MTMR10: variants seen among roughly 807,000 people sequenced by gnomAD.
MTMR10 encodes the protein myotubularin related protein 10.
Under a neutral mutation model 88.1 loss-of-function variants are expected in MTMR10, and 56 were observed. The ratio of observed to expected loss-of-function variants is 0.64; its 90% confidence interval spans 0.51 to 0.79. The LOEUF is 0.79. Ranked by LOEUF, MTMR10 falls within the 30% of genes least tolerant of loss-of-function variation. The pLI is 0.00. For synonymous variants in MTMR10, 380 were observed against 340.9 expected (o/e 1.11, Z -1.26); for missense variants, 883 against 924.7 (o/e 0.95, Z 0.58).
At chr15:30,930,676 G>A in the MTMR10 span, 1 of 1,612,720 alleles carries the variant, frequency 6.2e-7, no homozygotes, top group South Asian at 1.1e-5. Flanking sequence ...TTTAAGGTCA[G>A]TTGAGGCAGA....
At chr15:30,964,255 A>G (rs762570795) in intron 6 of MTMR10, among the ~76,000 whole-genome samples, 4 of 152,226 alleles carry the variant, frequency 2.6e-5, no homozygotes, top group African/African-American at 4.8e-5. Flanking sequence ...TATGTAAAAC[A>G]GTTTGGTGAC....
Position 30,940,183 on chromosome 15 carries a change from G to A in MTMR10, c.*1287C>T, listed in dbSNP as rs1371928940. ...ATGTTTTAAGCGGGGAATGAGGAGT[G>A]TGGGGGAGGTGGTGCCCCGTTTCAC... On this transcript the variant is annotated 3_prime_UTR_variant, in exon 16 of 16. Transcript: ENST00000435680. The A allele has an allele frequency of 2.0e-6, 2 of 985,342 alleles. No individual in the cohort carries two copies. The highest frequency in any genetic ancestry group is 2.4e-6 in the Non-Finnish European group (2 of 829,944). 61.0% of individuals were successfully genotyped at this position (985,342 alleles called of 1,614,324 possible).
chr15:30,974,550 G>A, intron 4 of MTMR10, 94 bp from the exon 5 acceptor site: 1 of 1,171,034 alleles, frequency 8.5e-7, no homozygotes, highest in Non-Finnish European at 1.1e-6. Context: ...TAATTGGAAG[G>A]TCACCCAACA....
the MTMR10 span, among the ~76,000 whole-genome samples, chr15:30,929,777 TATTATATC>T: frequency 4.4e-5 from 1 of 22,590 alleles, no homozygotes; most frequent in African/African-American, 3.0e-4. Flanking sequence ...ATATATAATA[TATTATATC>T]ATATATAATA....
the MTMR10 span, chr15:30,925,058 C>T: frequency 1.3e-6 from 2 of 1,502,712 alleles, no homozygotes; most frequent in Non-Finnish European, 1.8e-6. Context: ...GCTTTTCTGT[C>T]AAACTAAATG....
chr15:30,941,306 G>A lies in MTMR10; in HGVS notation c.*164C>T. 2 of 1,523,166 alleles carry A rather than the reference G, an allele frequency of 1.3e-6. No homozygotes were observed. Among genetic ancestry groups the A allele is most frequent in the South Asian group, 2.4e-5 (2 of 82,698 alleles). 94.4% of individuals were successfully genotyped at this position (1,523,166 alleles called of 1,614,324 possible). A position where few individuals can be genotyped will look rare whatever the true frequency, so the allele number is the denominator to read the frequency against. ...AAAATTTACATCTCTCTTAAAATAA[G>A]TGTGAAAGAAGCATGATTCAACATG... On this transcript the variant is annotated 3_prime_UTR_variant, in exon 16 of 16. Coordinates refer to ENST00000435680, the MANE Select transcript of MTMR10 (RefSeq NM_017762.3).
At position 30,941,210 on chromosome 15, in the gene MTMR10, A is replaced by G; in HGVS notation, c.*260T>C. The G allele has an allele frequency of 7.3e-7, 1 of 1,378,064 alleles. No homozygotes were observed. Among genetic ancestry groups the G allele is most frequent in the Non-Finnish European group, 9.5e-7 (1 of 1,047,388 alleles). The allele number at this position is 1,378,064 out of a possible 1,614,324, so 85.4% of individuals were successfully genotyped here. ...GAAAAATGGATGGAGACAAAAATGT[A>G]GCAGACAACATGAACAGTTTGATCA... On this transcript the variant is annotated 3_prime_UTR_variant, in exon 16 of 16. Coordinates refer to ENST00000435680, the MANE Select transcript of MTMR10 (RefSeq NM_017762.3).
intron 9 of MTMR10, among the ~76,000 whole-genome samples, chr15:30,956,713 T>C (rs1182850768): frequency 2.0e-5 from 3 of 152,242 alleles, no homozygotes; most frequent in Admixed American, 6.5e-5. Flanking sequence ...AAGAATAGGA[T>C]AGCTGAAAAC....
chr15:30,941,542 T>A lies in MTMR10; in HGVS notation c.2262A>T (p.Gly754=). The change falls in exon 16 of 16, where the codon GGA becomes GGT. Residue 754 remains glycine (G), a synonymous_variant. Transcript: ENST00000435680. ...CACTTAAAAATTTGCTTAATGGTGTTCCTAAAATGCTTCGTCTGCACAGAT... is the reference window on the plus strand; with the variant it reads ...CACTTAAAAATTTGCTTAATGGTGTACCTAAAATGCTTCGTCTGCACAGAT... The part of the protein sequence containing the change: ...VGNLCRRSIL[G]TPLSKFLSGA... The A allele has an allele frequency of 6.2e-7, 1 of 1,608,310 alleles. No homozygotes were observed. The highest frequency in any genetic ancestry group is 8.5e-7 in the Non-Finnish European group (1 of 1,176,898).
the MTMR10 span, chr15:30,922,318 C>T: frequency 6.2e-7 from 1 of 1,613,816 alleles, no homozygotes; most frequent in Non-Finnish European, 8.5e-7. Context: ...ATCGACTGGC[C>T]CTTAATTTAC....
At chr15:30,976,723 T>C (rs1000262174) in intron 3 of MTMR10, 96 bp downstream of exon 3, 9 of 1,338,222 alleles carry the variant, frequency 6.7e-6, no homozygotes, top group Non-Finnish European at 9.2e-6. Flanking sequence ...CTAATACTTC[T>C]ACTATAACTT....
At chr15:30,930,493 C>T in the MTMR10 span, 1 of 1,551,560 alleles carries the variant, frequency 6.4e-7, no homozygotes, top group Non-Finnish European at 8.7e-7. Context: ...AGCCTATTTC[C>T]ATTCTCTGTC....
At chr15:30,960,469 T>C (rs141862050) in intron 7 of MTMR10, among the ~76,000 whole-genome samples, 21 of 152,284 alleles carry the variant, frequency 1.4e-4, no homozygotes, top group Middle Eastern at 3.4e-3. Context: ...ATCTACAATG[T>C]GGAAAATTCT....
At chr15:30,963,658 T>TAGACAGAC (rs1555409486) in intron 6 of MTMR10, among the ~76,000 whole-genome samples, 3,541 of 150,756 alleles carry the variant, frequency 0.023, 135 homozygotes, top group African/African-American at 0.081. Flanking sequence ...GACAGATAGA[T>TAGACAGAC]AGATAGACAG....
At chr15:30,963,662 TAGAC>T (rs58036488) in intron 6 of MTMR10, among the ~76,000 whole-genome samples, 3 of 144,172 alleles carry the variant, frequency 2.1e-5, no homozygotes, top group Non-Finnish European at 4.6e-5. Flanking sequence ...GATAGATAGA[TAGAC>T]AGACAGATAG....
At chr15:30,921,622 C>T in the MTMR10 span, among the ~76,000 whole-genome samples, 1 of 152,018 alleles carries the variant, frequency 6.6e-6, no homozygotes, top group African/African-American at 2.4e-5. Context: ...GATGGGTGGG[C>T]TTTGGGGAAA....
intron 6 of MTMR10, among the ~76,000 whole-genome samples, chr15:30,962,434 C>T (rs907958986): frequency 1.3e-5 from 2 of 152,218 alleles, no homozygotes; most frequent in African/African-American, 4.8e-5. Context: ...ACAAGACACA[C>T]TTCCCTAAAA....
At chr15:30,937,318 ATGTTT>A (rs1250072271), downstream of MTMR10, 4 of 1,501,672 alleles carry the variant, frequency 2.7e-6, no homozygotes, top group Non-Finnish European at 3.6e-6. Flanking sequence ...AGTATAAAAC[ATGTTT>A]TATTTAATTT....
chr15:30,966,014 G>C, intron 6 of MTMR10: 1 of 455,276 alleles, frequency 2.2e-6, no homozygotes, highest in Non-Finnish European at 4.4e-6. Flanking sequence ...GGCTCCTTTT[G>C]ATCTTAAAGA....
Sources: allele counts gnomAD v4.1 joint callset (sites outside exome capture counted in the v4.1 genomes callset), GRCh38; gene constraint gnomAD v4.1.1; transcripts MANE v1.5; gene names NCBI Gene and HGNC (gene_info 2026-07-23, HGNC 2026-07-21).